SBF2: variants seen among roughly 807,000 people sequenced by gnomAD.
SBF2 encodes the protein myotubularin-related protein 13.
A neutral mutation model predicts 225.2 loss-of-function variants in SBF2; 112 were observed. That is an observed-to-expected ratio of 0.50 (90% CI 0.43 to 0.58). The LOEUF (loss-of-function observed/expected upper bound fraction) is 0.58, where lower values mean the gene tolerates loss of function less well. Ranked by LOEUF, SBF2 falls within the 20% of genes least tolerant of loss-of-function variation. The probability of loss-of-function intolerance (pLI) is 0.00; values close to 1 mark genes in which losing one functional copy is unlikely to be tolerated. For missense variants in SBF2, 1,996 were observed against 2,206.2 expected, an observed-to-expected ratio of 0.90 and a Z score of 1.91; for synonymous variants, 763 against 773.3, an observed-to-expected ratio of 0.99 and a Z score of 0.22.
At chr11:10,175,954 T>C (rs977794979) in intron 2 of SBF2, among the ~76,000 whole-genome samples, 4 of 148,388 alleles carry the variant, frequency 2.7e-5, no homozygotes, top group African/African-American at 7.5e-5. Flanking sequence ...AAGATGTTCT[T>C]TGAAACCAAC....
At chr11:10,294,688 A>G (rs1964418005), upstream of SBF2, among the ~76,000 whole-genome samples, 1 of 152,178 alleles carries the variant, frequency 6.6e-6, no homozygotes, top group South Asian at 2.1e-4. Context: ...CATGCCACCG[A>G]GCAGACGGGG....
intron 6 of SBF2, among the ~76,000 whole-genome samples, chr11:10,018,075 A>T (rs1273361181): frequency 3.3e-5 from 5 of 152,140 alleles, no homozygotes; most frequent in Admixed American, 6.5e-5. Context: ...AGTGGGGAAG[A>T]AGAACAGAGA....
chr11:10,051,205 T>C (rs1008777724), intron 2 of SBF2, among the ~76,000 whole-genome samples: 2 of 152,162 alleles, frequency 1.3e-5, no homozygotes, highest in African/African-American at 4.8e-5. Context: ...TATTGAGCCA[T>C]GTTTTAATGT....
chr11:9,852,535 C>T (rs1857032159), intron 21 of SBF2, 141 bp downstream of exon 21: 1 of 710,780 alleles, frequency 1.4e-6, no homozygotes, highest in East Asian at 2.6e-5. Context: ...TGACACACTT[C>T]TCTGACAGTT....
intron 2 of SBF2, among the ~76,000 whole-genome samples, chr11:10,144,085 AT>A (rs1954778126): frequency 6.6e-6 from 1 of 152,184 alleles, no homozygotes; most frequent in South Asian, 2.1e-4. Context: ...CCTGATCTTG[AT>A]TTAACCTTCA....
At chr11:9,815,202 G>A (rs1164965489) in intron 29 of SBF2, among the ~76,000 whole-genome samples, 1 of 150,958 alleles carries the variant, frequency 6.6e-6, no homozygotes, top group African/African-American at 2.4e-5. Context: ...CACTTTGGGA[G>A]GCCAGGGCGG....
intron 3 of SBF2, among the ~76,000 whole-genome samples, chr11:10,041,977 CA>C (rs1195619655): frequency 8.5e-6 from 1 of 117,704 alleles, no homozygotes; most frequent in African/African-American, 2.9e-5. Context: ...GCTCTGTATA[CA>C]ATCTTAACTT....
chr11:10,276,050 T>C (rs193251835), intron 1 of SBF2, among the ~76,000 whole-genome samples: 10 of 152,144 alleles, frequency 6.6e-5, no homozygotes, highest in South Asian at 2.1e-4. Context: ...CTTTTAACAG[T>C]GGTCAATTTG....
intron 2 of SBF2, among the ~76,000 whole-genome samples, chr11:10,143,837 C>T (rs1385553198): frequency 6.6e-6 from 1 of 152,174 alleles, no homozygotes; most frequent in African/African-American, 2.4e-5. Flanking sequence ...CCTGCCTCAG[C>T]CTCCCGAGTA....
intron 2 of SBF2, among the ~76,000 whole-genome samples, chr11:10,182,945 G>T (rs1956795593): frequency 6.6e-6 from 1 of 151,824 alleles, no homozygotes; most frequent in South Asian, 2.1e-4. Flanking sequence ...GCTAATTTTT[G>T]TATTTTTAGT....
At chr11:9,832,088 G>A in intron 27 of SBF2, 136 bp downstream of exon 27, 1 of 740,236 alleles carries the variant, frequency 1.4e-6, no homozygotes, top group Admixed American at 2.0e-5. Context: ...TGTACATGTT[G>A]CATGTAGCAA....
intron 2 of SBF2, among the ~76,000 whole-genome samples, chr11:10,067,629 TC>T (rs1390181173): frequency 5.9e-5 from 9 of 152,122 alleles, no homozygotes; most frequent in Non-Finnish European, 1.5e-5. Context: ...GTGTGGTGAC[TC>T]ACACCTATAA....
chr11:10,164,617 G>A (rs921004832), intron 2 of SBF2, among the ~76,000 whole-genome samples: 21 of 152,226 alleles, frequency 1.4e-4, no homozygotes, highest in African/African-American at 4.6e-4. Flanking sequence ...ACGGGAGCAC[G>A]GTGCTTCCTT....
At position 10,174,611 on chromosome 11, in the gene SBF2, C is replaced by T. The variant is rs1382121347; in HGVS notation, c.141+19291G>A. The stretch of plus-strand genomic sequence containing the variant: ...TGCAGGATATCATCCAGGAGAACTT[C>T]CCCAATGTAGCAAGGCAGGCCAACA... On this transcript the variant is annotated intron_variant, in intron 2 of 39. Transcript: ENST00000256190. Among the ~76,000 whole-genome samples, 3 of 152,106 alleles carry T rather than the reference C, an allele frequency of 2.0e-5. No individual in the cohort carries two copies. In the South Asian group the frequency reaches 6.2e-4, roughly 32 times the overall value.
At chr11:10,042,761 G>A in intron 3 of SBF2, 83 bp downstream of exon 3, 4 of 1,473,802 alleles carry the variant, frequency 2.7e-6, no homozygotes, top group Non-Finnish European at 3.8e-6. Flanking sequence ...CAAACTTGCA[G>A]TTGTAACAAA....
intron 2 of SBF2, among the ~76,000 whole-genome samples, chr11:10,067,347 C>G (rs1565192253): frequency 6.6e-6 from 1 of 152,050 alleles, no homozygotes; most frequent in Non-Finnish European, 1.5e-5. Context: ...CAAGTGTCAC[C>G]AGGTTTTTTG....
chr11:10,074,346 G>A (rs1436897918), intron 2 of SBF2, among the ~76,000 whole-genome samples: 1 of 151,112 alleles, frequency 6.6e-6, no homozygotes, highest in Non-Finnish European at 1.5e-5. Flanking sequence ...AAACATAGAT[G>A]TTGAACATGT....
At chr11:10,134,341 C>G (rs1591037093) in intron 2 of SBF2, among the ~76,000 whole-genome samples, 1 of 152,098 alleles carries the variant, frequency 6.6e-6, no homozygotes, top group Admixed American at 6.5e-5. Context: ...GGTGGGGACA[C>G]AGCCAAACCA....
rs79916164 is a variant in SBF2, at chr11:10,028,418, C to T, written c.619+34G>A. On this transcript the variant is annotated intron_variant, in intron 6 of 39. Coordinates refer to ENST00000256190, the MANE Select transcript of SBF2 (RefSeq NM_030962.4). ...TAAATCCTTTAATCATAGGCTTCTA[C>T]AAGATGACATTGAAAATGGGAGAAA... 1.4e-4 allele frequency: 180 copies of T among 1,295,292 alleles called. No individual in the cohort carries two copies. The African/African-American group carries it at 2.4e-3, about 18-fold the overall frequency. 80.2% of individuals were successfully genotyped at this position (1,295,292 alleles called of 1,614,324 possible).
Sources: allele counts gnomAD v4.1 joint callset (sites outside exome capture counted in the v4.1 genomes callset), GRCh38; gene constraint gnomAD v4.1.1; transcripts MANE v1.5; gene names NCBI Gene and HGNC (gene_info 2026-07-23, HGNC 2026-07-21).